The following PLD1 variants were observed in gnomAD, a reference collection of about 807,000 sequenced individuals.
The protein encoded by PLD1 is phospholipase D1, also known as choline phosphatase 1.
Under a neutral mutation model 137.1 loss-of-function variants are expected in PLD1, and 112 were observed. The observed-to-expected ratio is 0.82, with a 90% CI of 0.70 to 0.96. The LOEUF (loss-of-function observed/expected upper bound fraction) is 0.96, where lower values mean the gene tolerates loss of function less well. Among genes scored for constraint, PLD1 ranks in the 40% least tolerant of loss-of-function variants. The pLI is 0.00. For missense variants in PLD1, 1,321 were observed against 1,342.0 expected (o/e 0.98, Z 0.24); for synonymous variants, 431 against 454.7 (o/e 0.95, Z 0.66).
intron 1 of PLD1, among the ~76,000 whole-genome samples, chr3:171,770,471 C>A (rs1298570786): frequency 2.6e-5 from 4 of 152,150 alleles, no homozygotes; most frequent in Non-Finnish European, 5.9e-5. Context: ...GGGAGGACAA[C>A]CCCAACTGGG....
intron 1 of PLD1, among the ~76,000 whole-genome samples, chr3:171,779,438 G>T (rs1454854679): frequency 6.6e-6 from 1 of 152,200 alleles, no homozygotes; most frequent in African/African-American, 2.4e-5. Flanking sequence ...TTATTCAGCT[G>T]AGGAACATTG....
intron 8 of PLD1, among the ~76,000 whole-genome samples, chr3:171,723,280 T>A (rs1226783040): frequency 1.3e-5 from 2 of 152,172 alleles, no homozygotes; most frequent in African/African-American, 4.8e-5. Flanking sequence ...GACCTCTAGA[T>A]CCATCCATGT....
chr3:171,798,927 G>A (rs557837815), intron 1 of PLD1, among the ~76,000 whole-genome samples: 14 of 152,274 alleles, frequency 9.2e-5, no homozygotes, highest in Non-Finnish European at 1.6e-4. Flanking sequence ...AAGGTTTCAT[G>A]GGTAGCCTAC....
At chr3:171,686,327 A>G (rs1057335679) in intron 16 of PLD1, among the ~76,000 whole-genome samples, 6 of 151,804 alleles carry the variant, frequency 4.0e-5, no homozygotes, top group Non-Finnish European at 8.8e-5. Context: ...CCTATCACCT[A>G]CCCCAATTAA....
At chr3:171,680,239 C>CT (rs1713826844) in intron 16 of PLD1, among the ~76,000 whole-genome samples, 5 of 140,872 alleles carry the variant, frequency 3.5e-5, no homozygotes, top group African/African-American at 1.4e-4. Context: ...TCTTTTTCTT[C>CT]CTCTTTTTTT....
intron 6 of PLD1, among the ~76,000 whole-genome samples, chr3:171,731,983 T>C (rs1046946686): frequency 1.3e-5 from 2 of 152,048 alleles, no homozygotes; most frequent in African/African-American, 2.4e-5. Context: ...GAATCCCAAA[T>C]GTAGAAAAGT....
intron 24 of PLD1, among the ~76,000 whole-genome samples, chr3:171,613,693 A>ATT (rs796470615): frequency 1.8e-4 from 26 of 146,622 alleles, no homozygotes; most frequent in African/African-American, 6.4e-4. Context: ...CAAGGAGTCC[A>ATT]TTTTTTTTTT....
At chr3:171,689,213 T>TA (rs888585821) in intron 13 of PLD1, among the ~76,000 whole-genome samples, 5 of 150,028 alleles carry the variant, frequency 3.3e-5, no homozygotes, top group South Asian at 4.2e-4. Context: ...AATCTGGTAC[T>TA]AAAAAAAAAG....
chr3:171,647,454 T>C (rs981960372), intron 21 of PLD1, among the ~76,000 whole-genome samples: 9 of 152,062 alleles, frequency 5.9e-5, no homozygotes, highest in Admixed American at 4.6e-4. Flanking sequence ...TTTTACCCTT[T>C]TTTTTTTATT....
chr3:171,668,921 T>C (rs750538776), intron 19 of PLD1, among the ~76,000 whole-genome samples: 3 of 152,168 alleles, frequency 2.0e-5, no homozygotes, highest in Non-Finnish European at 4.4e-5. Flanking sequence ...GTAGAAGCAG[T>C]TTCAGGACCA....
intron 23 of PLD1, among the ~76,000 whole-genome samples, chr3:171,630,309 A>G (rs1734546859): frequency 6.6e-6 from 1 of 150,778 alleles, no homozygotes; most frequent in Admixed American, 6.6e-5. Flanking sequence ...CAAAAACACA[A>G]TGAGATACCA....
At chr3:171,631,169 A>T (rs1317337021) in intron 23 of PLD1, among the ~76,000 whole-genome samples, 1 of 152,182 alleles carries the variant, frequency 6.6e-6, no homozygotes, top group African/African-American at 2.4e-5. Flanking sequence ...GATTACAGAC[A>T]TTTGAGTGTA....
chr3:171,626,231 C>T (rs111691996), intron 23 of PLD1, among the ~76,000 whole-genome samples: 10,649 of 152,154 alleles, frequency 0.07, 1,083 homozygotes, highest in African/African-American at 0.22. Context: ...CCGATGCGAT[C>T]AACTGGAAGA....
chr3:171,677,654 C>G lies in PLD1; in HGVS notation c.1908G>C (p.Glu636Asp). 1 of 1,613,956 alleles carries G rather than the reference C, an allele frequency of 6.2e-7. No homozygotes were observed. The highest frequency in any genetic ancestry group is 8.5e-7 in the Non-Finnish European group (1 of 1,179,836). Residue 636 changes from glutamate to aspartate, a missense_variant, in exon 17 of 27, where the codon GAG (glutamate) becomes GAC (aspartate). By Grantham distance (45) the Glu-to-Asp change is conservative. Transcript: ENST00000351298. Reference sequence around the variant, plus strand: ...GCCAGAATCTGGTTTCCCCATGCAGCTCTCCCACACCTGTCTGTAAACTAC... The same window carrying G: ...GCCAGAATCTGGTTTCCCCATGCAGGTCTCCCACACCTGTCTGTAAACTAC... ...SIRSLQTGVG[E>D]LHGETRFWHG...
At chr3:171,788,216 A>G (rs750095795) in intron 1 of PLD1, among the ~76,000 whole-genome samples, 10 of 149,506 alleles carry the variant, frequency 6.7e-5, no homozygotes, top group East Asian at 3.9e-4. Flanking sequence ...ATAATAATAA[A>G]TTAACTTTTG....
chr3:171,764,112 T>C (rs1721640237), intron 1 of PLD1, among the ~76,000 whole-genome samples: 1 of 152,088 alleles, frequency 6.6e-6, no homozygotes. Flanking sequence ...CCTGGGACCA[T>C]AGTCACATGC....
At chr3:171,651,662 G>C (rs954230423) in intron 21 of PLD1, among the ~76,000 whole-genome samples, 1 of 152,126 alleles carries the variant, frequency 6.6e-6, no homozygotes, top group Admixed American at 6.5e-5. Context: ...AAAATGGCAA[G>C]CTTTCAAACA....
intron 11 of PLD1, among the ~76,000 whole-genome samples, chr3:171,707,614 T>A (rs781634565): frequency 1.3e-5 from 2 of 152,104 alleles, no homozygotes; most frequent in Non-Finnish European, 2.9e-5. Context: ...ACCCTGTCTA[T>A]CCCCTCTAGA....
chr3:171,721,604 G>A (rs1286131083), intron 8 of PLD1: 1 of 152,232 alleles, frequency 6.6e-6, no homozygotes, highest in African/African-American at 2.4e-5. Flanking sequence ...GAAAACTGTG[G>A]TTGGCATGTA....
Sources: allele counts gnomAD v4.1 joint callset (sites outside exome capture counted in the v4.1 genomes callset), GRCh38; gene constraint gnomAD v4.1.1; transcripts MANE v1.5; gene names NCBI Gene and HGNC (gene_info 2026-07-23, HGNC 2026-07-21).